Variants in MRPS5 observed in about 807,000 individuals in gnomAD.
MRPS5 encodes mitochondrial ribosomal protein S5, also known as small ribosomal subunit protein uS5m.
In MRPS5, 27 loss-of-function variants were observed where a neutral mutation model predicts 51.9. The observed-to-expected ratio is 0.52, with a 90% CI of 0.38 to 0.72. The LOEUF is 0.72. Among genes scored for constraint, MRPS5 ranks in the 30% least tolerant of loss-of-function variants. The pLI, the probability that MRPS5 is intolerant of heterozygous loss-of-function variation, is 0.00. For missense variants in MRPS5, 570 were observed against 545.7 expected (o/e 1.04, Z -0.44); for synonymous variants, 196 against 193.2 (o/e 1.01, Z -0.12).
Position 95,101,685 on chromosome 2 carries a change from A to G in MRPS5, c.802T>C (p.Phe268Leu). The change falls in exon 8 of 12, where the codon TTC (phenylalanine) becomes CTC (leucine). Residue 268 changes from phenylalanine (F) to leucine (L), a missense_variant. Phe to Leu is a conservative substitution (Grantham distance 22). Transcript: ENST00000272418. The stretch of plus-strand genomic sequence containing the variant: ...AAAAAAAATGTACATACTTTCCTGA[A>G]AGCATCCATCCGATCAGTAGCTTTC... ...IGKATDRMDA[F>L]RKAKNRAVHH... is the part of the protein sequence containing the mutation. The G allele has an allele frequency of 6.3e-7, 1 of 1,598,902 alleles. No individual in the cohort carries two copies. Among genetic ancestry groups the G allele is most frequent in the Non-Finnish European group, 8.5e-7 (1 of 1,176,164 alleles).
At chr2:95,119,974 G>A (rs1264471305) in intron 1 of MRPS5, among the ~76,000 whole-genome samples, 1 of 152,176 alleles carries the variant, frequency 6.6e-6, no homozygotes, top group South Asian at 2.1e-4. Flanking sequence ...GAGGTGGGAG[G>A]ATGGATTAAG....
chr2:95,110,165 A>G lies in MRPS5; in HGVS notation c.278-124T>C, dbSNP rs2104420453. 8 of 1,208,468 alleles carry G rather than the reference A, an allele frequency of 6.6e-6. No homozygotes were observed. The Middle Eastern group carries it at 1.1e-3, about 162-fold the overall frequency. 74.9% of individuals were successfully genotyped at this position (1,208,468 alleles called of 1,614,324 possible). A position where few individuals can be genotyped will look rare whatever the true frequency, so the allele number is the denominator to read the frequency against. On this transcript the variant is annotated intron_variant, in intron 3 of 11. Transcript: ENST00000272418. ...GCTTTACCCATGCATCACTGAGGTAATGAAAGCAAAATTAAATCATCCTTT... is the reference window on the plus strand; with the variant it reads ...GCTTTACCCATGCATCACTGAGGTAGTGAAAGCAAAATTAAATCATCCTTT...
intron 6 of MRPS5, 78 bp downstream of exon 6, chr2:95,106,344 GT>G: frequency 8.8e-7 from 1 of 1,139,792 alleles, no homozygotes; most frequent in African/African-American, 1.5e-5. Flanking sequence ...TTCCCTTACA[GT>G]TCCTCTTGCC....
chr2:95,113,255 T>C (rs1379089381), intron 3 of MRPS5, among the ~76,000 whole-genome samples: 1 of 151,790 alleles, frequency 6.6e-6, no homozygotes, highest in African/African-American at 2.4e-5. Flanking sequence ...GGCGGGTGGA[T>C]CACAAGGTCA....
intron 8 of MRPS5, 116 bp from the exon 9 acceptor site, chr2:95,101,010 T>C: frequency 2.4e-6 from 2 of 826,044 alleles, no homozygotes; most frequent in Non-Finnish European, 3.8e-6. Flanking sequence ...CGCAAAAAGG[T>C]TAGTATATAC....
chr2:95,097,326 T>C (rs1298541507), intron 10 of MRPS5, among the ~76,000 whole-genome samples: 6 of 152,170 alleles, frequency 3.9e-5, no homozygotes, highest in Non-Finnish European at 8.8e-5. Context: ...CTTCACAGAA[T>C]TGGAAAACAC....
In MRPS5 at chr2:95,101,612, CTG is replaced by C. The variant is rs1163198973; in HGVS notation, c.810+63_810+64del. The C allele has an allele frequency of 2.3e-6, 3 of 1,281,546 alleles. No individual in the cohort carries two copies. In the African/African-American group the frequency reaches 4.5e-5, roughly 19 times the overall value. 79.4% of individuals were successfully genotyped at this position (1,281,546 alleles called of 1,614,324 possible). ...AATTATTATTGTTTTGTGGTTCCCA[CTG>C]TGTCTGGCATATAACTTACTAATCT... On this transcript the variant is annotated intron_variant, in intron 8 of 11. Transcript: ENST00000272418.
chr2:95,097,244 C>T (rs565831873), intron 10 of MRPS5, among the ~76,000 whole-genome samples: 4 of 152,288 alleles, frequency 2.6e-5, no homozygotes, highest in South Asian at 2.1e-4. Flanking sequence ...GAATCAGTAT[C>T]GTGAAAATGG....
At chr2:95,112,076 T>A (rs1185353230) in intron 3 of MRPS5, among the ~76,000 whole-genome samples, 2 of 152,190 alleles carry the variant, frequency 1.3e-5, no homozygotes, top group Non-Finnish European at 2.9e-5. Context: ...GTTTTGTTTT[T>A]TTTTGGAGAT....
chr2:95,121,849 C>CG, upstream of MRPS5: 1 of 1,479,592 alleles, frequency 6.8e-7, no homozygotes, highest in Non-Finnish European at 9.0e-7. Flanking sequence ...CACCGCCTAC[C>CG]GCGACTGCTC....
At position 95,101,665 on chromosome 2, in the gene MRPS5, A is replaced by C. The variant is rs192233838; in HGVS notation, c.810+12T>G. The C allele has an allele frequency of 5.0e-5, 79 of 1,589,550 alleles. No homozygotes were observed. The African/African-American group carries it at 1.0e-3, about 21-fold the overall frequency. ...TTTACTGAGTGTCAACAAAGAAAAAAAATGTACATACTTTCCTGAAAGCAT... is the reference window on the plus strand; with the variant it reads ...TTTACTGAGTGTCAACAAAGAAAAACAATGTACATACTTTCCTGAAAGCAT... On this transcript the variant is annotated intron_variant, in intron 8 of 11. Coordinates refer to ENST00000272418, the MANE Select transcript of MRPS5 (RefSeq NM_031902.5).
At chr2:95,100,641 T>C (rs1002838047) in intron 9 of MRPS5, 105 bp from the exon 10 acceptor site, 1 of 974,018 alleles carries the variant, frequency 1.0e-6, no homozygotes, top group Non-Finnish European at 1.6e-6. Context: ...CCAGCACATA[T>C]TGACCAAAGA....
At position 95,106,667 on chromosome 2, in the gene MRPS5, A is replaced by G. The variant is rs2104415356; in HGVS notation, c.638-210T>C. On this transcript the variant is annotated intron_variant, in intron 5 of 11. Coordinates refer to ENST00000272418, the MANE Select transcript of MRPS5 (RefSeq NM_031902.5). ...CATAAACTCAGTCACTGATCTCCCC[A>G]CCTGCACCCTCCTCCCCATCCATCT... 5.1e-6 allele frequency: 3 copies of G among 582,978 alleles called. No individual in the cohort carries two copies. In the East Asian group the frequency reaches 8.8e-5, roughly 17 times the overall value. The allele number at this position is 582,978 out of a possible 1,614,324, so 36.1% of individuals were successfully genotyped here.
At chr2:95,089,018 G>C (rs1675382294) in intron 11 of MRPS5, among the ~76,000 whole-genome samples, 1 of 152,172 alleles carries the variant, frequency 6.6e-6, no homozygotes, top group African/African-American at 2.4e-5. Flanking sequence ...AGTGAGCTGA[G>C]ATGGAGCCAC....
rs150420141 is a variant in MRPS5 at position 95,098,588 on chromosome 2, C to G, written c.931+1886G>C. Reference sequence around the variant, plus strand: ...CATTCCGAGCAAACTATCTCAAGGACAGAAAACCAAACACCGCATGTTCTC... The same window carrying G: ...CATTCCGAGCAAACTATCTCAAGGAGAGAAAACCAAACACCGCATGTTCTC... On this transcript the variant is annotated intron_variant, in intron 10 of 11. Transcript: ENST00000272418. Among the ~76,000 whole-genome samples the G allele has an allele frequency of 5.7e-3, 870 of 152,134 alleles. 10 individuals carry two copies. Among genetic ancestry groups the G allele is most frequent in the African/African-American group, 0.019 (808 of 41,510 alleles).
chr2:95,121,809 G>C (rs1212011371), upstream of MRPS5: 1 of 1,532,504 alleles, frequency 6.5e-7, no homozygotes. Flanking sequence ...TCCGAGCCGC[G>C]CCTCGGCCTC....
At chr2:95,105,015 C>T (rs1157734181) in intron 6 of MRPS5, among the ~76,000 whole-genome samples, 1 of 152,052 alleles carries the variant, frequency 6.6e-6, no homozygotes, top group African/African-American at 2.4e-5. Flanking sequence ...CTCGATATAC[C>T]CTATCTTAAT....
intron 11 of MRPS5, among the ~76,000 whole-genome samples, chr2:95,088,317 G>C (rs943278975): frequency 1.1e-4 from 17 of 152,132 alleles, no homozygotes; most frequent in Non-Finnish European, 2.2e-4. Flanking sequence ...AAATGTCTGA[G>C]ATTTGGTTCA....
rs367773478 is a variant in MRPS5 at position 95,089,993 on chromosome 2, C to T, written c.1068+393G>A. Among the ~76,000 whole-genome samples the T allele has an allele frequency of 4.6e-5, 7 of 151,230 alleles. No individual in the cohort carries two copies. In the East Asian group the frequency reaches 7.8e-4, roughly 17 times the overall value. On this transcript the variant is annotated intron_variant, in intron 11 of 11. Transcript: ENST00000272418. Reference sequence around the variant, plus strand: ...GAGATCGAGACCATCCCGGCTAAAACGGTGAAACCCCGTCTCTACTAAAAA... The same window carrying T: ...GAGATCGAGACCATCCCGGCTAAAATGGTGAAACCCCGTCTCTACTAAAAA...
Sources: gnomAD v4.1 joint callset for allele counts (sites outside exome capture counted in the v4.1 genomes callset) on GRCh38, gnomAD v4.1.1 for gene constraint, MANE v1.5 for transcripts, NCBI Gene and HGNC (gene_info 2026-07-23, HGNC 2026-07-21) for gene names.